Variants in EIF3L observed in about 807,000 individuals in gnomAD.
The protein encoded by EIF3L is eukaryotic translation initiation factor 3 subunit L, also known as eIEF associated protein HSPC021.
Under a neutral mutation model 74.6 loss-of-function variants are expected in EIF3L, and 32 were observed. The ratio of observed to expected loss-of-function variants is 0.43; its 90% CI spans 0.32 to 0.58. EIF3L has a LOEUF of 0.58. EIF3L is among the 20% of genes least tolerant of loss of function. The probability of loss-of-function intolerance (pLI) is 0.06; values close to 1 mark genes in which losing one functional copy is unlikely to be tolerated. For synonymous variants in EIF3L, 256 were observed against 254.4 expected (o/e 1.01, Z -0.06); for missense variants, 474 against 707.8 (o/e 0.67, Z 3.75).
At chr22:37,876,745 A>C (rs1220492750) in intron 10 of EIF3L, 1 of 152,158 alleles carries the variant, frequency 6.6e-6, no homozygotes, top group Non-Finnish European at 1.5e-5. Context: ...ACATTTATTT[A>C]TTCAGCATCA....
chr22:37,886,967 C>A, intron 12 of EIF3L, 122 bp downstream of exon 12: 1 of 739,796 alleles, frequency 1.4e-6, no homozygotes, highest in Non-Finnish European at 2.1e-6. Flanking sequence ...CTTGTGCTGT[C>A]ACCCATGCTG....
chr22:37,854,973 T>TTTATA (rs1925423572), intron 3 of EIF3L, among the ~76,000 whole-genome samples: 1 of 151,878 alleles, frequency 6.6e-6, no homozygotes, highest in African/African-American at 2.4e-5. Flanking sequence ...CTTGAGCATG[T>TTTATA]TTATATGTTG....
intron 11 of EIF3L, chr22:37,884,201 T>C (rs1390626383): frequency 2.6e-5 from 4 of 152,218 alleles, no homozygotes; most frequent in Non-Finnish European, 4.4e-5. Flanking sequence ...GAGCATGTCT[T>C]CAAGTTTCAT....
intron 8 of EIF3L, among the ~76,000 whole-genome samples, chr22:37,870,845 C>T (rs946079411): frequency 6.6e-5 from 10 of 152,068 alleles, no homozygotes; most frequent in Middle Eastern, 3.4e-3. Context: ...AAAATCTGGC[C>T]CAGGCACTGT....
chr22:37,866,933 T>C (rs181744888), intron 7 of EIF3L, among the ~76,000 whole-genome samples: 78 of 152,306 alleles, frequency 5.1e-4, no homozygotes, highest in African/African-American at 1.3e-3. Context: ...TAAAAGAACG[T>C]TTCAATCACT....
In EIF3L at chr22:37,856,314, T is replaced by G. The variant is rs954721738; in HGVS notation, c.373+670T>G. On this transcript the variant is annotated intron_variant, in intron 4 of 12. Coordinates refer to ENST00000652021, the MANE Select transcript of EIF3L (RefSeq NM_016091.4). ...CTGGTCTCGAACTGCTGACGTCAGG[T>G]GATTCGCCCACCTCAGCCTCCCAAA... is the stretch of plus-strand genomic sequence containing the variant. 2.6e-5 allele frequency among the ~76,000 whole-genome samples: 4 copies of G among 151,958 alleles called. No homozygotes were observed. In the South Asian group the frequency reaches 8.3e-4, roughly 32 times the overall value.
At chr22:37,859,573 G>A (rs1925741393) in intron 5 of EIF3L, among the ~76,000 whole-genome samples, 3 of 151,180 alleles carry the variant, frequency 2.0e-5, no homozygotes, top group Non-Finnish European at 4.4e-5. Context: ...TAGTAGAGAC[G>A]GGGTTTCACT....
intron 11 of EIF3L, chr22:37,885,837 G>A (rs2145846864): frequency 6.6e-6 from 1 of 151,656 alleles, no homozygotes; most frequent in South Asian, 2.1e-4. Flanking sequence ...CTCCCAAAGT[G>A]CTGGGATTAC....
At chr22:37,874,317 G>A in intron 8 of EIF3L, 53 bp from the exon 9 acceptor site, 4 of 1,579,094 alleles carry the variant, frequency 2.5e-6, no homozygotes, top group Non-Finnish European at 3.5e-6. Flanking sequence ...GAGGTCAGGT[G>A]TGCCTGCCTT....
chr22:37,850,034 C>T lies in EIF3L; in HGVS notation c.53C>T (p.Ala18Val). Reference sequence around the variant, plus strand: ...TTCTAGGCGGCTTATGACCCCTACGCTTATCCCAGCGACTATGATATGCAC... The same window carrying T: ...TTCTAGGCGGCTTATGACCCCTACGTTTATCCCAGCGACTATGATATGCAC... ...YESEAAYDPY[A>V]YPSDYDMHTG... is the part of the protein sequence containing the mutation. The change falls in exon 2 of 13, where the codon GCT becomes GTT. Residue 18 changes from alanine to valine, a missense_variant. By Grantham distance (64) the Ala-to-Val change is moderately conservative (BLOSUM62 0). Transcript: ENST00000652021. The T allele has an allele frequency of 6.2e-7, 1 of 1,613,784 alleles. No homozygotes were observed. The highest frequency in any genetic ancestry group is 8.5e-7 in the Non-Finnish European group (1 of 1,179,808).
intron 11 of EIF3L, 141 bp from the exon 12 acceptor site, chr22:37,886,624 G>A (rs1927335430): frequency 1.8e-6 from 1 of 552,574 alleles, no homozygotes; most frequent in African/African-American, 1.9e-5. Context: ...TTAACTGGTG[G>A]TGTTTTTCCA....
chr22:37,873,428 A>G (rs1014621029), intron 8 of EIF3L, among the ~76,000 whole-genome samples: 55 of 122,370 alleles, frequency 4.5e-4, no homozygotes, highest in Admixed American at 2.5e-4. Flanking sequence ...CCTCCCAAGT[A>G]GCTGGGCTAC....
rs903452935 is a variant in EIF3L at position 37,878,055 on chromosome 22, C to T, written c.1459C>T (p.Arg487Trp). ...CCTGGACCTCACAGAGCAGGAGTTCCGGATCCAGCTTCTTGTCTTCAAACA... is the reference window on the plus strand; with the variant it reads ...CCTGGACCTCACAGAGCAGGAGTTCTGGATCCAGCTTCTTGTCTTCAAACA... The part of the protein sequence containing the change: ...GFLDLTEQEF[R>W]IQLLVFKHKM... Residue 487 changes from arginine (R) to tryptophan (W), a missense_variant, in exon 11 of 13, where the codon CGG becomes TGG. Coordinates refer to ENST00000652021, the MANE Select transcript of EIF3L (RefSeq NM_016091.4). The T allele has an allele frequency of 1.2e-6, 2 of 1,614,092 alleles. No individual in the cohort carries two copies. The highest frequency in any genetic ancestry group is 1.3e-5 in the African/African-American group (1 of 75,004).
chr22:37,886,818 C>T lies in EIF3L; in HGVS notation c.1629C>T (p.Phe543=), dbSNP rs1344476437. ...TCGCCAGGCGTTATGGGGATTTCTTCATCCGTCAGATCCACAAATTTGAGG... is the reference window on the plus strand; with the variant it reads ...TCGCCAGGCGTTATGGGGATTTCTTTATCCGTCAGATCCACAAATTTGAGG... ...TKVARRYGDF[F]IRQIHKFEEL... is the part of the protein sequence containing the mutation. The change falls in exon 12 of 13, where the codon TTC becomes TTT. Residue 543 remains phenylalanine (F), a synonymous_variant. Coordinates refer to ENST00000652021, the MANE Select transcript of EIF3L (RefSeq NM_016091.4). 5.6e-6 allele frequency: 9 copies of T among 1,611,308 alleles called. No individual in the cohort carries two copies. The South Asian group carries it at 7.7e-5, about 14-fold the overall frequency.
At chr22:37,863,848 G>A (rs1028971232) in intron 7 of EIF3L, among the ~76,000 whole-genome samples, 10 of 151,842 alleles carry the variant, frequency 6.6e-5, no homozygotes, top group African/African-American at 7.3e-5. Flanking sequence ...GGCAGATCAC[G>A]AGGTCAGGAG....
chr22:37,871,180 G>A (rs1926450863), intron 8 of EIF3L: 1 of 151,804 alleles, frequency 6.6e-6, no homozygotes, highest in Admixed American at 6.6e-5. Context: ...AAGTTTTTTT[G>A]TTGTTTGTTT....
At chr22:37,865,735 G>A (rs1005717632) in intron 7 of EIF3L, among the ~76,000 whole-genome samples, 7 of 152,320 alleles carry the variant, frequency 4.6e-5, no homozygotes, top group African/African-American at 1.2e-4. Context: ...GCCACAAACC[G>A]TACTGGCCTT....
chr22:37,873,540 A>T (rs987054823), intron 8 of EIF3L, among the ~76,000 whole-genome samples: 17 of 151,352 alleles, frequency 1.1e-4, no homozygotes, highest in African/African-American at 3.9e-4. Context: ...TGATCTGCCC[A>T]CCTCAGCCTC....
At position 37,877,660 on chromosome 22, in the gene EIF3L, C is replaced by T; in HGVS notation, c.1078-14C>T. On this transcript the variant is annotated splice_polypyrimidine_tract_variant and intron_variant, in intron 10 of 12. Coordinates refer to ENST00000652021, the MANE Select transcript of EIF3L (RefSeq NM_016091.4). ...TCTCATTTGACCCAGTACCACTCTC[C>T]ACCCCATCCCCAGATTAACAAGCAG... 1 of 1,581,384 alleles carries T rather than the reference C, an allele frequency of 6.3e-7. No homozygotes were observed. The highest frequency in any genetic ancestry group is 8.6e-7 in the Non-Finnish European group (1 of 1,163,006).
Sources: gnomAD v4.1 joint callset for allele counts (sites outside exome capture counted in the v4.1 genomes callset) on GRCh38, gnomAD v4.1.1 for gene constraint, MANE v1.5 for transcripts, NCBI Gene and HGNC (gene_info 2026-07-23, HGNC 2026-07-21) for gene names.